The following CDK19 variants were observed in gnomAD, a reference collection of about 807,000 sequenced individuals.
The protein encoded by CDK19 is cyclin dependent kinase 19, also known as cyclin-dependent kinase 19.
In CDK19, 20 loss-of-function variants were observed where a neutral mutation model predicts 68.3. That is an observed-to-expected ratio of 0.29 (90% CI 0.21 to 0.43). CDK19 has a LOEUF of 0.43. Among genes scored for constraint, CDK19 ranks in the 20% least tolerant of loss-of-function variants. The pLI is 1.00. For missense variants in CDK19, 339 were observed against 623.5 expected (o/e 0.54, Z 4.86); for synonymous variants, 221 against 222.8 (o/e 0.99, Z 0.07).
At position 110,655,252 on chromosome 6, in the gene CDK19, G is replaced by C. The variant is rs1220790552; in HGVS notation, c.456+12182C>G. ...ATGGTGGCACGCACCTGTAGTCCTA[G>C]CTACTTGGGAGGCTGAGGCAGGAGA... On this transcript the variant is annotated intron_variant, in intron 4 of 12. Transcript: ENST00000368911. 4.0e-5 allele frequency among the ~76,000 whole-genome samples: 6 copies of C among 151,798 alleles called. No individual in the cohort carries two copies. The East Asian group carries it at 1.2e-3, about 29-fold the overall frequency.
At chr6:110,664,169 G>C (rs1178431094) in intron 4 of CDK19, among the ~76,000 whole-genome samples, 1 of 152,128 alleles carries the variant, frequency 6.6e-6, no homozygotes, top group Non-Finnish European at 1.5e-5. Flanking sequence ...AACCAGAACT[G>C]CACATCCTTT....
At chr6:110,689,563 T>A (rs953210740) in intron 2 of CDK19, among the ~76,000 whole-genome samples, 13 of 152,198 alleles carry the variant, frequency 8.5e-5, no homozygotes, top group African/African-American at 3.1e-4. Flanking sequence ...AACTTGTGCA[T>A]CACCACTGCC....
At chr6:110,794,330 C>T (rs113185851) in intron 1 of CDK19, among the ~76,000 whole-genome samples, 3,504 of 151,794 alleles carry the variant, frequency 0.023, 124 homozygotes, top group African/African-American at 0.081. Flanking sequence ...TACCTGTGAG[C>T]GACCGCGCCT....
rs1778062825 is a variant in CDK19, at chr6:110,746,189, C to G, written c.141G>C (p.Lys47Asn). ...KARRKDGKDE[K>N]EYALKQIEGT... is the part of the protein sequence containing the mutation. ...CTTCAATTTGCTTCAATGCATATTC[C>G]TTTTCATCTTTTCTGCACATAAACA... Residue 47 changes from lysine (K) to asparagine (N), a missense_variant, in exon 2 of 13, where the codon AAG becomes AAC. By Grantham distance (94) the Lys-to-Asn change is moderately conservative. Around this residue, in one of 4 missense-constraint regions of CDK19, gnomAD observed 120 missense variants for 224.0 expected, o/e 0.54. Coordinates refer to ENST00000368911, the MANE Select transcript of CDK19 (RefSeq NM_015076.5). 1 of 1,595,128 alleles carries G rather than the reference C, an allele frequency of 6.3e-7. No individual in the cohort carries two copies. Among genetic ancestry groups the G allele is most frequent in the African/African-American group, 1.3e-5 (1 of 74,196 alleles).
chr6:110,692,751 C>CT (rs1773121243), intron 2 of CDK19, among the ~76,000 whole-genome samples: 1 of 152,194 alleles, frequency 6.6e-6, no homozygotes, highest in African/African-American at 2.4e-5. Context: ...AATCCCAGCA[C>CT]TTTGAGAGGC....
intron 1 of CDK19, 103 bp downstream of exon 1, chr6:110,814,906 G>A: frequency 6.7e-7 from 1 of 1,487,332 alleles, no homozygotes. Context: ...CCTCCGCCTC[G>A]CCCCTCGGGC....
chr6:110,721,939 G>C (rs1053091153), intron 2 of CDK19, among the ~76,000 whole-genome samples: 3 of 152,080 alleles, frequency 2.0e-5, no homozygotes, highest in African/African-American at 7.2e-5. Flanking sequence ...GCTCCAGCCT[G>C]GGCAACAGAG....
At chr6:110,670,755 G>A (rs1582825760) in intron 2 of CDK19, 1 of 640,502 alleles carries the variant, frequency 1.6e-6, no homozygotes, top group Non-Finnish European at 2.9e-6. Flanking sequence ...TATGTGCTTA[G>A]GTATATCTGT....
At chr6:110,805,225 T>C (rs1782600889) in intron 1 of CDK19, among the ~76,000 whole-genome samples, 2 of 152,218 alleles carry the variant, frequency 1.3e-5, no homozygotes, top group Non-Finnish European at 2.9e-5. Flanking sequence ...TACTCCTTTA[T>C]GGTTCTAGAT....
At chr6:110,782,811 TCAAACGCATCTC>T (rs931998336) in intron 1 of CDK19, among the ~76,000 whole-genome samples, 10 of 152,268 alleles carry the variant, frequency 6.6e-5, no homozygotes, top group African/African-American at 2.4e-4. Flanking sequence ...TCCCTCTCTC[TCAAACGCATCTC>T]CAACCTCCAT....
chr6:110,801,986 C>G (rs1409635944), intron 1 of CDK19, among the ~76,000 whole-genome samples: 2 of 152,114 alleles, frequency 1.3e-5, no homozygotes, highest in African/African-American at 4.8e-5. Flanking sequence ...CAGTGAGATA[C>G]CATCTTACAC....
intron 4 of CDK19, among the ~76,000 whole-genome samples, chr6:110,642,911 A>T (rs925391738): frequency 6.6e-6 from 1 of 152,054 alleles, no homozygotes; most frequent in Non-Finnish European, 1.5e-5. Flanking sequence ...AAAGAAAGGA[A>T]ATATTCCTTG....
In CDK19 at chr6:110,614,223, G is replaced by A. The variant is rs1011947239; in HGVS notation, c.*312C>T. The A allele has an allele frequency of 4.4e-6, 1 of 228,938 alleles. No individual in the cohort carries two copies. Among genetic ancestry groups the A allele is most frequent in the East Asian group, 8.7e-5 (1 of 11,490 alleles). 14.2% of individuals were successfully genotyped at this position (228,938 alleles called of 1,614,324 possible). On this transcript the variant is annotated 3_prime_UTR_variant, in exon 13 of 13. Transcript: ENST00000368911. ...ATAGTGATTGCTACAGCATGAGAAA[G>A]GTGCACCAGGAAATCCTTCAAAGAA... is the stretch of plus-strand genomic sequence containing the variant.
At chr6:110,678,762 C>T (rs1025406434) in intron 2 of CDK19, among the ~76,000 whole-genome samples, 1 of 152,182 alleles carries the variant, frequency 6.6e-6, no homozygotes, top group African/African-American at 2.4e-5. Flanking sequence ...TTACCTGATT[C>T]TGATTCTAGA....
At chr6:110,755,468 A>G (rs1344722496) in intron 1 of CDK19, among the ~76,000 whole-genome samples, 7 of 152,220 alleles carry the variant, frequency 4.6e-5, no homozygotes, top group Non-Finnish European at 1.5e-5. Flanking sequence ...TGGAGGGGAT[A>G]GACAGGGACT....
At chr6:110,722,261 A>G (rs748764975) in intron 2 of CDK19, 2 of 151,928 alleles carry the variant, frequency 1.3e-5, no homozygotes, top group Non-Finnish European at 2.9e-5. Flanking sequence ...TAAATATGGA[A>G]CTCTTCACAA....
intron 6 of CDK19, among the ~76,000 whole-genome samples, chr6:110,629,486 C>T (rs934324597): frequency 3.9e-5 from 6 of 152,158 alleles, no homozygotes; most frequent in Non-Finnish European, 7.3e-5. Flanking sequence ...TCCAGAATAG[C>T]TGGGATTATA....
chr6:110,661,387 T>C (rs1351619090), intron 4 of CDK19, among the ~76,000 whole-genome samples: 3 of 152,220 alleles, frequency 2.0e-5, no homozygotes, highest in African/African-American at 4.8e-5. Context: ...CTATGAAAAA[T>C]TGGGGAATAT....
intron 2 of CDK19, among the ~76,000 whole-genome samples, chr6:110,693,260 C>G (rs770006047): frequency 1.2e-4 from 18 of 152,286 alleles, no homozygotes; most frequent in Middle Eastern, 3.4e-3. Flanking sequence ...CACTGCAGTT[C>G]CAAAAGTGTG....
Sources: gnomAD v4.1 joint callset for allele counts (sites outside exome capture counted in the v4.1 genomes callset) on GRCh38, gnomAD v4.1.1 for gene constraint, gnomAD v4.1.1 regional missense constraint, MANE v1.5 for transcripts, NCBI Gene and HGNC (gene_info 2026-07-23, HGNC 2026-07-21) for gene names.